The following LYRM7 variants were observed in gnomAD, a reference collection of about 807,000 sequenced individuals.
The protein encoded by LYRM7 is complex III assembly factor LYRM7.
Under a neutral mutation model 15.8 loss-of-function variants are expected in LYRM7, and 9 were observed. The observed-to-expected ratio is 0.57, with a 90% CI of 0.34 to 0.99. The LOEUF (loss-of-function observed/expected upper bound fraction) is 0.99, where lower values mean the gene tolerates loss of function less well. Ranked by LOEUF, LYRM7 falls within the 50% of genes least tolerant of loss-of-function variation. The pLI is 0.02. For missense variants in LYRM7, 115 were observed against 119.1 expected (o/e 0.97, Z 0.16); for synonymous variants, 39 against 39.4 (o/e 0.99, Z 0.04).
chr5:131,181,373 G>GTTATATATATATTAACATATATATGT (rs1554089920), intron 2 of LYRM7, among the ~76,000 whole-genome samples: 1 of 80,094 alleles, frequency 1.2e-5, no homozygotes, highest in African/African-American at 6.7e-5. Flanking sequence ...ACATATATAT[G>GTTATATATATATTAACATATATATGT]TATATATAAT....
chr5:131,182,171 T>G, intron 2 of LYRM7, 58 bp from the exon 3 acceptor site: 10 of 1,298,508 alleles, frequency 7.7e-6, no homozygotes, highest in South Asian at 1.4e-5. Flanking sequence ...TGTCAATTAT[T>G]GAGATAGGAA....
At position 131,204,309 on chromosome 5, in the gene LYRM7, TAATA is replaced by T. The variant is rs1344831603; in HGVS notation, c.*4712_*4715del. Reference sequence around the variant, plus strand: ...TATTTCTCAAAAACTCAAAGAATACTAATAAATGTGTACTCAGGTATATGTACAG... The same window carrying T: ...TATTTCTCAAAAACTCAAAGAATACTAATGTGTACTCAGGTATATGTACAG... On this transcript the variant is annotated 3_prime_UTR_variant, in exon 5 of 5. Coordinates refer to ENST00000379380, the MANE Select transcript of LYRM7 (RefSeq NM_181705.4). 1.3e-5 allele frequency: 2 copies of T among 152,090 alleles called. No individual in the cohort carries two copies. Among genetic ancestry groups the T allele is most frequent in the African/African-American group, 2.4e-5 (1 of 41,410 alleles). 9.4% of individuals were successfully genotyped at this position (152,090 alleles called of 1,614,324 possible).
chr5:131,187,043 T>C lies in LYRM7; in HGVS notation c.178T>C (p.Ser60Pro), dbSNP rs1755805283. ...TTCTTAACAGCTAATGAAAATAGGTTCTGATGTTGAATTATTACTCAGAAC... is the reference window on the plus strand; with the variant it reads ...TTCTTAACAGCTAATGAAAATAGGTCCTGATGTTGAATTATTACTCAGAAC... ...KKIEELMKIG[S>P]DVELLLRTSV... Residue 60 changes from serine to proline, a missense_variant, in exon 4 of 5, where the codon TCT becomes CCT. By Grantham distance (74) the Ser-to-Pro change is moderately conservative. Transcript: ENST00000379380. 1 of 1,551,032 alleles carries C rather than the reference T, an allele frequency of 6.4e-7. No homozygotes were observed. The highest frequency in any genetic ancestry group is 1.9e-5 in the Admixed American group (1 of 53,864).
chr5:131,170,968 A>C lies in LYRM7; in HGVS notation c.-53A>C. 2 of 1,526,702 alleles carry C rather than the reference A, an allele frequency of 1.3e-6. No individual in the cohort carries two copies. Among genetic ancestry groups the C allele is most frequent in the Non-Finnish European group, 1.8e-6 (2 of 1,140,854 alleles). The allele number at this position is 1,526,702 out of a possible 1,614,324, so 94.6% of individuals were successfully genotyped here. A position where few individuals can be genotyped will look rare whatever the true frequency, so the allele number is the denominator to read the frequency against. On this transcript the variant is annotated 5_prime_UTR_variant, in exon 1 of 5. Coordinates refer to ENST00000379380, the MANE Select transcript of LYRM7 (RefSeq NM_181705.4). Reference sequence around the variant, plus strand: ...CAGTTCAGTCTTTGATTGGTTGCTGAGAGGCGGGGCTACTCGACTGCTCTG... The same window carrying C: ...CAGTTCAGTCTTTGATTGGTTGCTGCGAGGCGGGGCTACTCGACTGCTCTG...
At chr5:131,181,261 GC>G (rs1755686093) in intron 2 of LYRM7, among the ~76,000 whole-genome samples, 1 of 81,888 alleles carries the variant, frequency 1.2e-5, no homozygotes, top group African/African-American at 4.2e-5. Flanking sequence ...GGGCGACAAA[GC>G]AAGACTCCAT....
At chr5:131,196,670 CTT>C (rs753843316) in intron 4 of LYRM7, among the ~76,000 whole-genome samples, 2 of 144,136 alleles carry the variant, frequency 1.4e-5, no homozygotes, top group African/African-American at 2.5e-5. Flanking sequence ...ATCTGTATTT[CTT>C]TTTTTTTTTT....
At chr5:131,173,440 A>T (rs896395310) in intron 1 of LYRM7, among the ~76,000 whole-genome samples, 2 of 152,228 alleles carry the variant, frequency 1.3e-5, no homozygotes, top group Non-Finnish European at 2.9e-5. Flanking sequence ...CAGTAGCATT[A>T]TGTCTTTAGA....
At chr5:131,193,429 A>G (rs17165964) in intron 4 of LYRM7, among the ~76,000 whole-genome samples, 8,937 of 152,320 alleles carry the variant, frequency 0.059, 321 homozygotes, top group Middle Eastern at 0.11. Flanking sequence ...ACAGATCCAA[A>G]CTTGATGAGT....
intron 3 of LYRM7, among the ~76,000 whole-genome samples, chr5:131,182,663 T>G (rs1046620470): frequency 6.6e-6 from 1 of 152,224 alleles, no homozygotes; most frequent in Non-Finnish European, 1.5e-5. Context: ...TTAACTGAAC[T>G]AAGCGGTTAG....
At chr5:131,196,474 A>AAGGAGC (rs1330125174) in intron 4 of LYRM7, among the ~76,000 whole-genome samples, 1 of 152,012 alleles carries the variant, frequency 6.6e-6, no homozygotes, top group Non-Finnish European at 1.5e-5. Flanking sequence ...TCCTGTTTAA[A>AAGGAGC]AGGAGCAGGC....
At chr5:131,177,201 TC>T (rs1755615709) in intron 1 of LYRM7, among the ~76,000 whole-genome samples, 1 of 152,344 alleles carries the variant, frequency 6.6e-6, no homozygotes, top group East Asian at 1.9e-4. Flanking sequence ...GTTTCATTTT[TC>T]CTTGCAATAA....
intron 4 of LYRM7, among the ~76,000 whole-genome samples, chr5:131,196,687 A>T (rs1755970153): frequency 6.7e-6 from 1 of 149,826 alleles, no homozygotes; most frequent in Admixed American, 6.6e-5. Flanking sequence ...TTTTTTTCCG[A>T]GATGGAGTCT....
At chr5:131,173,823 T>A (rs936499363) in intron 1 of LYRM7, among the ~76,000 whole-genome samples, 4 of 152,244 alleles carry the variant, frequency 2.6e-5, no homozygotes, top group African/African-American at 7.2e-5. Flanking sequence ...TAACAATTAT[T>A]TGAGCTTTCA....
At chr5:131,179,992 G>T in intron 1 of LYRM7, 103 bp from the exon 2 acceptor site, 1 of 768,056 alleles carries the variant, frequency 1.3e-6, no homozygotes. Context: ...CCAGGGTCTC[G>T]AACTCCTGGG....
chr5:131,199,527 T>C lies in LYRM7; in HGVS notation c.245-4T>C. The C allele has an allele frequency of 1.3e-6, 2 of 1,582,952 alleles. No homozygotes were observed. The highest frequency in any genetic ancestry group is 8.6e-7 in the Non-Finnish European group (1 of 1,165,768). ...AATTATTCTCTTTTTTTTTTTTCTT[T>C]CAGAACTGGTCCCTAGGAAAGACCT... On this transcript the variant is annotated splice_region_variant and splice_polypyrimidine_tract_variant and intron_variant, in intron 4 of 4. Coordinates refer to ENST00000379380, the MANE Select transcript of LYRM7 (RefSeq NM_181705.4).
At chr5:131,182,463 G>A (rs934967965) in intron 3 of LYRM7, among the ~76,000 whole-genome samples, 164 bp downstream of exon 3, 2 of 152,032 alleles carry the variant, frequency 1.3e-5, no homozygotes, top group African/African-American at 4.8e-5. Flanking sequence ...ACCTCCTCAG[G>A]CTCATCTGCC....
chr5:131,197,145 G>A (rs1338121180), intron 4 of LYRM7, among the ~76,000 whole-genome samples: 1 of 152,092 alleles, frequency 6.6e-6, no homozygotes, highest in Non-Finnish European at 1.5e-5. Flanking sequence ...ACTATAATTT[G>A]TTGTTTATCT....
At chr5:131,187,753 TGGTATTACATG>T (rs1299765704) in intron 4 of LYRM7, among the ~76,000 whole-genome samples, 2 of 151,794 alleles carry the variant, frequency 1.3e-5, no homozygotes, top group African/African-American at 4.8e-5. Context: ...CCCAAAGTGC[TGGTATTACATG>T]CATGAGCCAT....
chr5:131,188,912 C>T (rs960314755), intron 4 of LYRM7, among the ~76,000 whole-genome samples: 4 of 151,898 alleles, frequency 2.6e-5, no homozygotes, highest in Non-Finnish European at 5.9e-5. Flanking sequence ...TTTGGGAGGC[C>T]GAGGCGGGTG....
Sources: allele counts gnomAD v4.1 joint callset (sites outside exome capture counted in the v4.1 genomes callset), GRCh38; gene constraint gnomAD v4.1.1; transcripts MANE v1.5; gene names NCBI Gene and HGNC (gene_info 2026-07-23, HGNC 2026-07-21).